PHACTR1: variants seen among roughly 807,000 people sequenced by gnomAD.
PHACTR1 encodes phosphatase and actin regulator 1, also known as RPEL repeat containing 1.
A neutral mutation model predicts 69.2 loss-of-function variants in PHACTR1; 16 were observed. The ratio of observed to expected loss-of-function variants is 0.23; its 90% CI spans 0.16 to 0.35. The LOEUF is 0.35. PHACTR1 is among the 10% of genes least tolerant of loss of function. The pLI, the probability that PHACTR1 is intolerant of heterozygous loss-of-function variation, is 1.00. For missense variants in PHACTR1, 510 were observed against 734.7 expected (o/e 0.69, Z 3.54); for synonymous variants, 312 against 284.5 (o/e 1.10, Z -0.97).
In PHACTR1 at chr6:13,185,140, G is replaced by T. The variant is rs990370720; in HGVS notation, c.664+2454G>T. The T allele has an allele frequency of 1.4e-5, 9 of 620,936 alleles. No homozygotes were observed. The Admixed American group carries it at 1.5e-4, about 10-fold the overall frequency. 38.5% of individuals were successfully genotyped at this position (620,936 alleles called of 1,614,324 possible). ...CCCTGTGGGATGTTTGGGTGTTTCT[G>T]TGTGTGTCTTGATATCTGCAGTCAT... On this transcript the variant is annotated intron_variant, in intron 7 of 14. Coordinates refer to ENST00000332995, the MANE Select transcript of PHACTR1 (RefSeq NM_030948.6).
At chr6:12,948,598 C>T (rs549717348) in intron 4 of PHACTR1, among the ~76,000 whole-genome samples, 62 of 152,244 alleles carry the variant, frequency 4.1e-4, no homozygotes, top group Middle Eastern at 3.4e-3. Context: ...CTTGTGAACT[C>T]GTCAAAGGTC....
intron 4 of PHACTR1, among the ~76,000 whole-genome samples, chr6:12,808,702 G>A (rs948834523): frequency 6.6e-6 from 1 of 152,112 alleles, no homozygotes; most frequent in Non-Finnish European, 1.5e-5. Flanking sequence ...TATCAGTGTT[G>A]TTGCCACATC....
intron 4 of PHACTR1, among the ~76,000 whole-genome samples, chr6:12,918,014 T>G (rs1787205680): frequency 6.6e-6 from 1 of 152,198 alleles, no homozygotes; most frequent in South Asian, 2.1e-4. Flanking sequence ...TTGGCACCAT[T>G]CATAGTGATA....
intron 4 of PHACTR1, among the ~76,000 whole-genome samples, chr6:12,845,956 C>A (rs189607009): frequency 6.6e-6 from 1 of 152,308 alleles, no homozygotes; most frequent in African/African-American, 2.4e-5. Context: ...TCTTCCCTGC[C>A]AATTCCTAAA....
chr6:13,229,986 G>T (rs1770556377), intron 9 of PHACTR1, 51 bp from the exon 10 acceptor site: 3 of 1,523,620 alleles, frequency 2.0e-6, no homozygotes, highest in Non-Finnish European at 2.6e-6. Context: ...GGCCCTGTGG[G>T]AGCCCAGGCA....
intron 5 of PHACTR1, among the ~76,000 whole-genome samples, chr6:13,141,144 A>C (rs1822373993): frequency 6.6e-6 from 1 of 152,222 alleles, no homozygotes; most frequent in Non-Finnish European, 1.5e-5. Context: ...TTTGAACACC[A>C]TTGAGATCAG....
chr6:12,749,866 C>T, intron 4 of PHACTR1, 76 bp downstream of exon 4: 1 of 1,354,600 alleles, frequency 7.4e-7, no homozygotes, highest in Admixed American at 2.8e-5. Context: ...CCCCGCCCCT[C>T]CCGGGCGTCC....
intron 4 of PHACTR1, among the ~76,000 whole-genome samples, chr6:12,968,128 G>A (rs543027665): frequency 2.0e-4 from 31 of 152,234 alleles, no homozygotes; most frequent in African/African-American, 7.0e-4. Flanking sequence ...GGGTGATCAC[G>A]GGCTTCCATG....
At chr6:12,897,034 G>T (rs1213190504) in intron 4 of PHACTR1, among the ~76,000 whole-genome samples, 1 of 152,122 alleles carries the variant, frequency 6.6e-6, no homozygotes, top group Non-Finnish European at 1.5e-5. Flanking sequence ...TTGGATCCAG[G>T]GCAGACGTGG....
At chr6:12,937,216 G>A (rs1789554786) in intron 4 of PHACTR1, among the ~76,000 whole-genome samples, 1 of 152,216 alleles carries the variant, frequency 6.6e-6, no homozygotes, top group East Asian at 1.9e-4. Context: ...GCATAAACAC[G>A]TGGTCACCTT....
intron 5 of PHACTR1, among the ~76,000 whole-genome samples, chr6:13,143,512 A>G (rs1338658511): frequency 6.6e-6 from 1 of 152,232 alleles, no homozygotes; most frequent in Non-Finnish European, 1.5e-5. Context: ...TGGAACACAG[A>G]TACTGATTCA....
intron 5 of PHACTR1, among the ~76,000 whole-genome samples, chr6:13,077,787 G>A (rs1810761627): frequency 6.6e-6 from 1 of 152,110 alleles, no homozygotes; most frequent in Admixed American, 6.6e-5. Context: ...TGAGGTGGTG[G>A]CATCCAGAAT....
intron 4 of PHACTR1, among the ~76,000 whole-genome samples, chr6:12,777,458 G>C (rs926294731): frequency 6.6e-6 from 1 of 151,708 alleles, no homozygotes; most frequent in Non-Finnish European, 1.5e-5. Flanking sequence ...TCAGTGTTTA[G>C]CTCTTACTTA....
intron 5 of PHACTR1, among the ~76,000 whole-genome samples, chr6:13,130,371 A>C (rs1820231093): frequency 6.6e-6 from 1 of 152,118 alleles, no homozygotes; most frequent in Non-Finnish European, 1.5e-5. Flanking sequence ...GAAACAAAAA[A>C]AACTGGTTCT....
chr6:13,082,117 C>T (rs1221278038), intron 5 of PHACTR1, among the ~76,000 whole-genome samples: 3 of 152,068 alleles, frequency 2.0e-5, no homozygotes, highest in Admixed American at 6.6e-5. Context: ...ACTGATGGCC[C>T]CCCTCTCTCA....
intron 11 of PHACTR1, among the ~76,000 whole-genome samples, chr6:13,277,676 G>A (rs533194538): frequency 5.3e-5 from 8 of 152,142 alleles, no homozygotes; most frequent in Non-Finnish European, 8.8e-5. Flanking sequence ...TGGGCTGTGC[G>A]GTGGCTTGCA....
At chr6:12,741,914 T>G (rs1222090435) in intron 3 of PHACTR1, among the ~76,000 whole-genome samples, 9 of 152,212 alleles carry the variant, frequency 5.9e-5, no homozygotes. Flanking sequence ...TTCACTTACT[T>G]AGGTCTTCTT....
intron 4 of PHACTR1, among the ~76,000 whole-genome samples, chr6:12,803,823 C>A (rs549077293): frequency 6.6e-6 from 1 of 152,198 alleles, no homozygotes; most frequent in African/African-American, 2.4e-5. Flanking sequence ...CCAGTTGTGA[C>A]AAACAAAAAA....
At chr6:13,141,724 CTTTTTTT>C (rs577073698) in intron 5 of PHACTR1, among the ~76,000 whole-genome samples, 2 of 89,808 alleles carry the variant, frequency 2.2e-5, no homozygotes, top group African/African-American at 8.3e-5. Flanking sequence ...TTTCTTCTTT[CTTTTTTT>C]TTTTTTTTTT....
Sources: allele counts gnomAD v4.1 joint callset (sites outside exome capture counted in the v4.1 genomes callset), GRCh38; gene constraint gnomAD v4.1.1; transcripts MANE v1.5; gene names NCBI Gene and HGNC (gene_info 2026-07-23, HGNC 2026-07-21).